The following SORCS2 variants were observed in gnomAD, a reference collection of about 807,000 sequenced individuals.
SORCS2 encodes VPS10 domain-containing receptor SorCS2.
A neutral mutation model predicts 141.6 loss-of-function variants in SORCS2; 100 were observed. The observed-to-expected ratio is 0.71, with a 90% CI of 0.60 to 0.83. The LOEUF (loss-of-function observed/expected upper bound fraction) is 0.83, where lower values mean the gene tolerates loss of function less well. Ranked by LOEUF, SORCS2 falls within the 40% of genes least tolerant of loss-of-function variation. The pLI is 0.00. For synonymous variants in SORCS2, 789 were observed against 676.9 expected, an observed-to-expected ratio of 1.17 and a Z score of -2.57; for missense variants, 1,646 against 1,560.2, an observed-to-expected ratio of 1.05 and a Z score of -0.93.
In SORCS2 at chr4:7,734,355, A is replaced by G. The variant is rs762577993; in HGVS notation, c.3292A>G (p.Ile1098Val). 15 of 1,571,642 alleles carry G rather than the reference A, an allele frequency of 9.5e-6. No homozygotes were observed. The highest frequency in any genetic ancestry group is 3.6e-5 in the Admixed American group (2 of 55,684). The change falls in exon 25 of 27, where the codon ATC (isoleucine) becomes GTC (valine). Residue 1098 changes from isoleucine to valine, a missense_variant. Coordinates refer to ENST00000507866, the MANE Select transcript of SORCS2 (RefSeq NM_020777.3). Reference sequence around the variant, plus strand: ...CGGGCTCTTCGCAGCGGGAGCCTTCATCCTCTACAAGTTCAAAAGGCAAGG... The same window carrying G: ...CGGGCTCTTCGCAGCGGGAGCCTTCGTCCTCTACAAGTTCAAAAGGCAAGG... ...VIGLFAAGAFILYKFKRKRPG... is the reference protein window; with the variant it reads ...VIGLFAAGAFVLYKFKRKRPG...
In SORCS2 at chr4:7,548,728, C is replaced by T. The variant is rs151306564; in HGVS notation, c.648+17099C>T. Among the ~76,000 whole-genome samples, 5 of 152,234 alleles carry T rather than the reference C, an allele frequency of 3.3e-5. No individual in the cohort carries two copies. The East Asian group carries it at 7.8e-4, about 24-fold the overall frequency. ...GAGGGCACAGCAACAGGAATGGTCACACCCAGTGGGCTGGCCAGCATCCAC... is the reference window on the plus strand; with the variant it reads ...GAGGGCACAGCAACAGGAATGGTCATACCCAGTGGGCTGGCCAGCATCCAC... On this transcript the variant is annotated intron_variant, in intron 3 of 26. Coordinates refer to ENST00000507866, the MANE Select transcript of SORCS2 (RefSeq NM_020777.3).
At chr4:7,225,938 C>T (rs1053913307) in intron 1 of SORCS2, among the ~76,000 whole-genome samples, 3 of 152,214 alleles carry the variant, frequency 2.0e-5, no homozygotes, top group Non-Finnish European at 4.4e-5. Flanking sequence ...ATCACTTCCA[C>T]TGTGAACCTG....
intron 3 of SORCS2, among the ~76,000 whole-genome samples, chr4:7,609,536 T>A (rs73216631): frequency 1.3e-5 from 2 of 152,228 alleles, no homozygotes; most frequent in African/African-American, 2.4e-5. Flanking sequence ...CAGTCCTCTC[T>A]CTGCCATGTG....
chr4:7,461,819 C>G (rs34503505), intron 2 of SORCS2, among the ~76,000 whole-genome samples: 44,064 of 151,868 alleles, frequency 0.29, 7,146 homozygotes, highest in Middle Eastern at 0.4. Context: ...ACCCACACAT[C>G]AAGCCCCACC....
At chr4:7,374,172 TTTCTTTCTTTCTTTCTTTCTTTC>T (rs1177385078) in intron 1 of SORCS2, among the ~76,000 whole-genome samples, 1 of 143,738 alleles carries the variant, frequency 7.0e-6, no homozygotes, top group Non-Finnish European at 1.5e-5. Context: ...TCTTTCTTTC[TTTCTTTCTTTCTTTCTTTCTTTC>T]TTTTTTGCAG....
intron 1 of SORCS2, among the ~76,000 whole-genome samples, chr4:7,332,250 G>C (rs1191139292): frequency 6.6e-6 from 1 of 152,204 alleles, no homozygotes; most frequent in Non-Finnish European, 1.5e-5. Flanking sequence ...AGTGCCAGCT[G>C]GGTGTGGGAT....
chr4:7,553,088 G>T (rs1318824149), intron 3 of SORCS2, among the ~76,000 whole-genome samples: 2 of 152,158 alleles, frequency 1.3e-5, no homozygotes, highest in African/African-American at 4.8e-5. Context: ...CAGTGATGTG[G>T]AGGGGGCGCT....
intron 2 of SORCS2, among the ~76,000 whole-genome samples, chr4:7,506,374 T>G (rs992867728): frequency 2.6e-5 from 4 of 152,218 alleles, no homozygotes; most frequent in African/African-American, 9.7e-5. Flanking sequence ...AATAACTCTC[T>G]GTTTGCCATG....
At chr4:7,704,703 A>G (rs976414497) in intron 14 of SORCS2, among the ~76,000 whole-genome samples, 7 of 152,232 alleles carry the variant, frequency 4.6e-5, no homozygotes, top group African/African-American at 1.7e-4. Flanking sequence ...ATGAGGGGCA[A>G]AGGGGCCTCA....
intron 2 of SORCS2, among the ~76,000 whole-genome samples, chr4:7,414,198 C>T (rs964482858): frequency 6.6e-6 from 1 of 152,214 alleles, no homozygotes; most frequent in Non-Finnish European, 1.5e-5. Context: ...TGGGGCCAGC[C>T]AACCAGGATC....
chr4:7,446,292 C>A (rs1288893720), intron 2 of SORCS2, among the ~76,000 whole-genome samples: 4 of 152,160 alleles, frequency 2.6e-5, no homozygotes, highest in African/African-American at 9.7e-5. Flanking sequence ...GCCCTATGCC[C>A]CACCCACCCC....
chr4:7,739,902 C>T (rs919882984), intron 26 of SORCS2, among the ~76,000 whole-genome samples: 36 of 152,184 alleles, frequency 2.4e-4, no homozygotes, highest in African/African-American at 8.4e-4. Context: ...CCCTTGCTGC[C>T]GATGCCGGGG....
intron 2 of SORCS2, chr4:7,434,147 G>C (rs765536291): frequency 1.2e-6 from 2 of 1,613,776 alleles, no homozygotes; most frequent in Non-Finnish European, 8.5e-7. Flanking sequence ...CAGAGCTCCT[G>C]CGGGGGGAGA....
chr4:7,547,025 T>C (rs998960826), intron 3 of SORCS2, among the ~76,000 whole-genome samples: 3 of 152,078 alleles, frequency 2.0e-5, no homozygotes, highest in Non-Finnish European at 2.9e-5. Context: ...TGCTGCCTGT[T>C]TTTTAACAAC....
intron 3 of SORCS2, among the ~76,000 whole-genome samples, chr4:7,582,085 C>A (rs1378671549): frequency 6.6e-6 from 1 of 152,156 alleles, no homozygotes; most frequent in Admixed American, 6.5e-5. Flanking sequence ...TTTGTGGTCA[C>A]CTACCACTTA....
chr4:7,676,375 AT>A, intron 9 of SORCS2, 146 bp downstream of exon 9: 1 of 842,544 alleles, frequency 1.2e-6, no homozygotes, highest in Non-Finnish European at 1.8e-6. Context: ...ACAGCCAAAT[AT>A]TTTAGGCTTT....
At chr4:7,640,405 TGG>T (rs1720641729) in intron 4 of SORCS2, among the ~76,000 whole-genome samples, 2 of 143,276 alleles carry the variant, frequency 1.4e-5, no homozygotes, top group East Asian at 2.0e-4. Flanking sequence ...TGAGTGTGTG[TGG>T]GTGAGTGTGT....
chr4:7,506,940 G>A (rs1732309339), intron 2 of SORCS2, among the ~76,000 whole-genome samples: 1 of 151,432 alleles, frequency 6.6e-6, no homozygotes, highest in African/African-American at 2.4e-5. Context: ...AAGAGTGTAG[G>A]AAGATTTCCA....
At chr4:7,637,376 C>T (rs1230296958) in intron 3 of SORCS2, among the ~76,000 whole-genome samples, 6 of 152,208 alleles carry the variant, frequency 3.9e-5, no homozygotes, top group Admixed American at 3.9e-4. Context: ...AGGTAGTGGG[C>T]CCCACCCCGT....
Sources: gnomAD v4.1 joint callset for allele counts (sites outside exome capture counted in the v4.1 genomes callset) on GRCh38, gnomAD v4.1.1 for gene constraint, MANE v1.5 for transcripts, NCBI Gene and HGNC (gene_info 2026-07-23, HGNC 2026-07-21) for gene names.